UNC5D: variants seen among roughly 807,000 people sequenced by gnomAD.
UNC5D encodes netrin receptor UNC5D.
In UNC5D, 39 loss-of-function variants were observed where a neutral mutation model predicts 105.4. The observed-to-expected ratio is 0.37, with a 90% CI of 0.29 to 0.48. The LOEUF (loss-of-function observed/expected upper bound fraction) is 0.48, where lower values mean the gene tolerates loss of function less well. Ranked by LOEUF, UNC5D falls within the 20% of genes least tolerant of loss-of-function variation. UNC5D has a pLI of 0.98. For synonymous variants in UNC5D, 452 were observed against 450.4 expected (o/e 1.00, Z -0.04); for missense variants, 991 against 1,202.4 (o/e 0.82, Z 2.60).
intron 4 of UNC5D, among the ~76,000 whole-genome samples, chr8:35,625,095 G>A (rs1020334647): frequency 2.0e-5 from 3 of 152,136 alleles, no homozygotes; most frequent in East Asian, 1.9e-4. Flanking sequence ...TCACCATTTC[G>A]TTTTCAGCCC....
intron 11 of UNC5D, among the ~76,000 whole-genome samples, chr8:35,741,131 T>C (rs1829738589): frequency 6.6e-6 from 1 of 152,200 alleles, no homozygotes; most frequent in African/African-American, 2.4e-5. Context: ...AAGATGAGGC[T>C]TAAATTGTGT....
intron 1 of UNC5D, among the ~76,000 whole-genome samples, chr8:35,474,462 C>T (rs930087196): frequency 6.6e-6 from 1 of 152,044 alleles, no homozygotes; most frequent in African/African-American, 2.4e-5. Context: ...AGAAAAAGAC[C>T]ATTTGAGATA....
At chr8:35,598,274 C>G (rs1209789594) in intron 4 of UNC5D, among the ~76,000 whole-genome samples, 1 of 152,156 alleles carries the variant, frequency 6.6e-6, no homozygotes, top group Non-Finnish European at 1.5e-5. Context: ...GCTTATTTCT[C>G]TCTACCCCAC....
intron 1 of UNC5D, among the ~76,000 whole-genome samples, chr8:35,460,155 T>C (rs2129644274): frequency 6.6e-6 from 1 of 152,210 alleles, no homozygotes; most frequent in Non-Finnish European, 1.5e-5. Flanking sequence ...TTCTATTTAC[T>C]CCCAGAAAAA....
intron 3 of UNC5D, among the ~76,000 whole-genome samples, chr8:35,584,748 A>C (rs955892682): frequency 6.6e-6 from 1 of 151,880 alleles, no homozygotes; most frequent in African/African-American, 2.4e-5. Flanking sequence ...ACCATGCGTG[A>C]CCCTAACTGG....
At chr8:35,438,717 G>T (rs1430352258) in intron 1 of UNC5D, among the ~76,000 whole-genome samples, 1 of 151,988 alleles carries the variant, frequency 6.6e-6, no homozygotes, top group Admixed American at 6.6e-5. Flanking sequence ...AGGAAGCAAG[G>T]CTCCAAGTAT....
chr8:35,438,521 G>A (rs1807179960), intron 1 of UNC5D, among the ~76,000 whole-genome samples: 1 of 151,794 alleles, frequency 6.6e-6, no homozygotes, highest in South Asian at 2.1e-4. Context: ...AGATATGTGG[G>A]CATCTTGTAT....
chr8:35,729,416 G>A (rs1165103018), intron 10 of UNC5D, among the ~76,000 whole-genome samples: 1 of 152,126 alleles, frequency 6.6e-6, no homozygotes, highest in Non-Finnish European at 1.5e-5. Context: ...GTGGCATTGT[G>A]ATAAGTGTAA....
At chr8:35,563,547 A>T (rs1817113416) in intron 2 of UNC5D, among the ~76,000 whole-genome samples, 2 of 151,912 alleles carry the variant, frequency 1.3e-5, no homozygotes, top group Admixed American at 1.3e-4. Flanking sequence ...TAAATATAAG[A>T]TCAAGTCATC....
intron 1 of UNC5D, among the ~76,000 whole-genome samples, chr8:35,346,075 C>T (rs1811788323): frequency 1.3e-5 from 2 of 151,876 alleles, no homozygotes; most frequent in Non-Finnish European, 2.9e-5. Flanking sequence ...TTTGCTTTAC[C>T]GTTGATGTGT....
intron 1 of UNC5D, among the ~76,000 whole-genome samples, chr8:35,300,382 G>A (rs574175040): frequency 6.8e-6 from 1 of 147,826 alleles, no homozygotes; most frequent in African/African-American, 2.5e-5. Context: ...GGGAGGTGGA[G>A]GTTGCAGTGA....
chr8:35,258,622 A>G (rs1305431976), intron 1 of UNC5D, among the ~76,000 whole-genome samples: 1 of 152,070 alleles, frequency 6.6e-6, no homozygotes, highest in Non-Finnish European at 1.5e-5. Context: ...AAATATTTAT[A>G]ATAGATAATA....
chr8:35,700,308 T>C (rs909680245), intron 7 of UNC5D, among the ~76,000 whole-genome samples: 2 of 152,120 alleles, frequency 1.3e-5, no homozygotes, highest in Non-Finnish European at 2.9e-5. Context: ...CTTAATTTTG[T>C]TCCCCCCATC....
intron 1 of UNC5D, among the ~76,000 whole-genome samples, chr8:35,442,075 A>G (rs1292217331): frequency 1.3e-5 from 2 of 151,980 alleles, no homozygotes; most frequent in East Asian, 3.9e-4. Flanking sequence ...ACGTGAAATT[A>G]CTTTCATTTT....
At chr8:35,665,167 A>G (rs190516507) in intron 4 of UNC5D, among the ~76,000 whole-genome samples, 29 of 152,278 alleles carry the variant, frequency 1.9e-4, no homozygotes, top group Non-Finnish European at 3.8e-4. Context: ...ACTAGTTATC[A>G]ATGCTATTTT....
intron 1 of UNC5D, among the ~76,000 whole-genome samples, chr8:35,378,788 G>A (rs553242837): frequency 4.5e-4 from 68 of 152,334 alleles, no homozygotes; most frequent in African/African-American, 1.5e-3. Context: ...TAAAGGTCCT[G>A]TGGCCTAACA....
intron 1 of UNC5D, among the ~76,000 whole-genome samples, chr8:35,442,707 A>G (rs982165035): frequency 6.6e-6 from 1 of 151,970 alleles, no homozygotes; most frequent in Admixed American, 6.6e-5. Context: ...GTTTTATGTT[A>G]ATTAATAAAA....
chr8:35,247,599 T>A (rs1392276403), intron 1 of UNC5D, among the ~76,000 whole-genome samples: 1 of 98,446 alleles, frequency 1.0e-5, no homozygotes, highest in Non-Finnish European at 1.9e-5. Flanking sequence ...ATATATATAA[T>A]ATATAAATAT....
chr8:35,701,412 C>T (rs1586475518), intron 7 of UNC5D, among the ~76,000 whole-genome samples: 2 of 152,150 alleles, frequency 1.3e-5, no homozygotes, highest in African/African-American at 4.8e-5. Flanking sequence ...TCTCTGTAGT[C>T]CCAGGGATGT....
Sources: gnomAD v4.1 joint callset for allele counts (sites outside exome capture counted in the v4.1 genomes callset) on GRCh38, gnomAD v4.1.1 for gene constraint, MANE v1.5 for transcripts, NCBI Gene and HGNC (gene_info 2026-07-23, HGNC 2026-07-21) for gene names.